ZC3H13: variants seen among roughly 807,000 people sequenced by gnomAD.
ZC3H13 encodes the protein zinc finger CCCH-type containing 13.
Under a neutral mutation model 204.1 loss-of-function variants are expected in ZC3H13, and 64 were observed. The ratio of observed to expected loss-of-function variants is 0.31; its 90% CI spans 0.26 to 0.39. The LOEUF is 0.39. Ranked by LOEUF, ZC3H13 falls within the 10% of genes least tolerant of loss-of-function variation. ZC3H13 has a pLI of 1.00. For missense variants in ZC3H13, 1,833 were observed against 2,082.7 expected, an observed-to-expected ratio of 0.88 and a Z score of 2.33; for synonymous variants, 667 against 693.7, an observed-to-expected ratio of 0.96 and a Z score of 0.60.
intron 8 of ZC3H13, among the ~76,000 whole-genome samples, chr13:45,996,626 TCA>T (rs2040352336): frequency 6.6e-6 from 1 of 152,168 alleles, no homozygotes; most frequent in Admixed American, 6.5e-5. Flanking sequence ...TGTAGCCATC[TCA>T]GTTATCAGAT....
At chr13:45,972,410 C>T (rs921917374) in intron 12 of ZC3H13, among the ~76,000 whole-genome samples, 2 of 152,002 alleles carry the variant, frequency 1.3e-5, no homozygotes, top group Non-Finnish European at 2.9e-5. Flanking sequence ...CAAAGGCATA[C>T]AGAGTGATAT....
At chr13:45,965,677 A>G (rs1319006224) in intron 15 of ZC3H13, among the ~76,000 whole-genome samples, 1 of 152,214 alleles carries the variant, frequency 6.6e-6, no homozygotes, top group East Asian at 1.9e-4. Flanking sequence ...AGAACAGCTT[A>G]TAAGATCACA....
intron 4 of ZC3H13, among the ~76,000 whole-genome samples, chr13:46,021,728 G>T (rs2042231453): frequency 6.6e-6 from 1 of 151,802 alleles, no homozygotes; most frequent in Non-Finnish European, 1.5e-5. Flanking sequence ...GAAAAAAATG[G>T]TGAAGAGTCA....
chr13:46,036,998 C>T (rs773763123), intron 4 of ZC3H13, among the ~76,000 whole-genome samples: 10 of 152,100 alleles, frequency 6.6e-5, no homozygotes, highest in African/African-American at 1.2e-4. Context: ...GGATTACAGG[C>T]GTGAGCCACC....
chr13:46,006,535 G>A (rs2041163115), intron 7 of ZC3H13, among the ~76,000 whole-genome samples: 1 of 150,738 alleles, frequency 6.6e-6, no homozygotes, highest in Admixed American at 6.6e-5. Context: ...TCTGCTCAGA[G>A]TGTTCAGTCT....
chr13:46,019,087 A>C (rs1593702140), intron 5 of ZC3H13, among the ~76,000 whole-genome samples: 1 of 152,170 alleles, frequency 6.6e-6, no homozygotes, highest in Non-Finnish European at 1.5e-5. Flanking sequence ...TTGTTCTTAG[A>C]AGCAATTTTT....
intron 4 of ZC3H13, among the ~76,000 whole-genome samples, chr13:46,038,953 C>A (rs1050667765): frequency 6.6e-6 from 1 of 152,090 alleles, no homozygotes; most frequent in African/African-American, 2.4e-5. Flanking sequence ...ACCTAGGAGG[C>A]AGAGGTTGCA....
chr13:45,968,652 G>A (rs543140907), intron 14 of ZC3H13, 96 bp downstream of exon 14: 2 of 1,453,964 alleles, frequency 1.4e-6, no homozygotes, highest in South Asian at 3.0e-5. Flanking sequence ...AAGGCAGCAT[G>A]TAAAGTAACC....
intron 4 of ZC3H13, among the ~76,000 whole-genome samples, chr13:46,021,201 G>C (rs1192356207): frequency 6.6e-6 from 1 of 151,918 alleles, no homozygotes; most frequent in Non-Finnish European, 1.5e-5. Flanking sequence ...ACCTAAAATA[G>C]TAAATTAGTC....
intron 10 of ZC3H13, among the ~76,000 whole-genome samples, chr13:45,980,325 C>A (rs1420110451): frequency 3.3e-5 from 5 of 151,960 alleles, no homozygotes; most frequent in Admixed American, 2.0e-4. Flanking sequence ...ATTTAATTCA[C>A]AGATATATAA....
In ZC3H13 at chr13:46,016,431, T is replaced by A. The variant is rs192315160; in HGVS notation, c.448+4018A>T. Among the ~76,000 whole-genome samples, 526 of 152,238 alleles carry A rather than the reference T, an allele frequency of 3.5e-3. 5 individuals carry two copies. The highest frequency in any genetic ancestry group is 3.1e-3 in the Non-Finnish European group (211 of 67,996). On this transcript the variant is annotated intron_variant, in intron 5 of 18. Coordinates refer to ENST00000679008, the MANE Select transcript of ZC3H13 (RefSeq NM_001330564.2). ...AACAATTAATGAATGATATGTGAAA[T>A]AAAGTACAATCTCAGATAATACTGT...
chr13:45,982,076 A>G (rs1953687635), intron 10 of ZC3H13, among the ~76,000 whole-genome samples: 1 of 151,420 alleles, frequency 6.6e-6, no homozygotes, highest in African/African-American at 2.4e-5. Context: ...AAAAAAGAAC[A>G]TATGACAAAC....
intron 4 of ZC3H13, among the ~76,000 whole-genome samples, chr13:46,027,669 C>A (rs984838644): frequency 1.3e-5 from 2 of 151,942 alleles, no homozygotes; most frequent in Non-Finnish European, 2.9e-5. Flanking sequence ...TAAAATATCC[C>A]AGAGTAAAGA....
Position 46,032,830 on chromosome 13 carries a change from T to C in ZC3H13, c.339+9334A>G, listed in dbSNP as rs117640361. 3.3e-5 allele frequency among the ~76,000 whole-genome samples: 5 copies of C among 152,254 alleles called. No individual in the cohort carries two copies. The East Asian group carries it at 5.8e-4, about 18-fold the overall frequency. On this transcript the variant is annotated intron_variant, in intron 4 of 18. Transcript: ENST00000679008. ...TGTAACTATAAAAAAGCTTAAGATA[T>C]AGCTTTGCATACTGCTATAGAATGA...
Position 45,964,041 on chromosome 13 carries a change from A to T in ZC3H13, c.4476T>A (p.Asp1492Glu). The T allele has an allele frequency of 6.2e-7, 1 of 1,606,688 alleles. No individual in the cohort carries two copies. The highest frequency in any genetic ancestry group is 8.5e-7 in the Non-Finnish European group (1 of 1,177,834). Residue 1492 changes from aspartate to glutamate, a missense_variant and splice_region_variant, in exon 17 of 19, where the codon GAT becomes GAA. Transcript: ENST00000679008. ...EDQQDEEKMP[D>E]PLDVIDVDWS... ...AATCCACATCTATCACATCTAAGGG[A>T]TCTGTAAAAAGTTAAAAAGTAAGAT...
At chr13:45,972,938 C>T (rs536973776) in intron 12 of ZC3H13, among the ~76,000 whole-genome samples, 69 of 152,302 alleles carry the variant, frequency 4.5e-4, no homozygotes, top group African/African-American at 1.5e-3. Flanking sequence ...ACAAGATGCC[C>T]TAATTGCCAG....
At chr13:46,021,933 AG>A (rs561415096) in intron 4 of ZC3H13, among the ~76,000 whole-genome samples, 268 of 152,102 alleles carry the variant, frequency 1.8e-3, no homozygotes, top group African/African-American at 6.3e-3. Flanking sequence ...ATTTAATAGG[AG>A]GTTATCTCCA....
chr13:46,015,689 G>C (rs1377791612), intron 5 of ZC3H13, among the ~76,000 whole-genome samples: 1 of 152,020 alleles, frequency 6.6e-6, no homozygotes, highest in Non-Finnish European at 1.5e-5. Context: ...TTCGGAGTGG[G>C]GCCTGGAAAT....
chr13:46,046,176 C>T (rs1240154669), intron 1 of ZC3H13, among the ~76,000 whole-genome samples: 1 of 152,024 alleles, frequency 6.6e-6, no homozygotes, highest in African/African-American at 2.4e-5. Flanking sequence ...CAAAACAGGA[C>T]AGACTGTAGA....
Sources: gnomAD v4.1 joint callset for allele counts (sites outside exome capture counted in the v4.1 genomes callset) on GRCh38, gnomAD v4.1.1 for gene constraint, MANE v1.5 for transcripts, NCBI Gene and HGNC (gene_info 2026-07-23, HGNC 2026-07-21) for gene names.